The following MYBL2 variants were observed in gnomAD, a reference collection of about 807,000 sequenced individuals.
MYBL2 encodes MYB proto-oncogene like 2, also known as myb-related protein B.
A neutral mutation model predicts 79.9 loss-of-function variants in MYBL2; 28 were observed. The ratio of observed to expected loss-of-function variants is 0.35; its 90% CI spans 0.26 to 0.48. The LOEUF (loss-of-function observed/expected upper bound fraction) is 0.48. Ranked by LOEUF, MYBL2 falls within the 20% of genes least tolerant of loss-of-function variation. MYBL2 has a pLI of 0.99. For missense variants in MYBL2, 735 were observed against 893.9 expected (o/e 0.82, Z 2.27); for synonymous variants, 378 against 361.2 (o/e 1.05, Z -0.53).
chr20:43,690,055 G>A (rs1373916288), intron 5 of MYBL2, among the ~76,000 whole-genome samples: 1 of 152,148 alleles, frequency 6.6e-6, no homozygotes, highest in African/African-American at 2.4e-5. Context: ...ATAGAGCTTT[G>A]GCCTGCTATA....
rs1986731199 is a variant in MYBL2, at chr20:43,667,142, G to C, written c.-142G>C. The C allele has an allele frequency of 2.8e-6, 1 of 360,428 alleles. No homozygotes were observed. Among genetic ancestry groups the C allele is most frequent in the Admixed American group, 5.2e-5 (1 of 19,122 alleles). 22.3% of individuals were successfully genotyped at this position (360,428 alleles called of 1,614,324 possible). On this transcript the variant is annotated 5_prime_UTR_variant, in exon 1 of 14. Coordinates refer to ENST00000217026, the MANE Select transcript of MYBL2 (RefSeq NM_002466.4). ...TGCAGTTCCTGCGAGCGAGGAGCGC[G>C]GGACCTGCTGACACGCTGACGCCTT...
intron 6 of MYBL2, among the ~76,000 whole-genome samples, chr20:43,695,748 G>T (rs897407480): frequency 3.2e-4 from 20 of 62,318 alleles, no homozygotes; most frequent in Non-Finnish European, 5.9e-4. Context: ...TTGGAGCCTG[G>T]GGCAGGAAGT....
chr20:43,694,605 C>A (rs1357508539), intron 6 of MYBL2, among the ~76,000 whole-genome samples: 1 of 152,146 alleles, frequency 6.6e-6, no homozygotes, highest in East Asian at 1.9e-4. Context: ...CTTGAATTTT[C>A]AATTTTAGAG....
intron 4 of MYBL2, among the ~76,000 whole-genome samples, chr20:43,683,161 G>A (rs1359008861): frequency 6.6e-6 from 1 of 152,228 alleles, no homozygotes; most frequent in African/African-American, 2.4e-5. Flanking sequence ...AGCAGTAGCA[G>A]TGCAGCGTTG....
intron 8 of MYBL2, among the ~76,000 whole-genome samples, chr20:43,704,267 C>T (rs553670983): frequency 2.6e-5 from 4 of 152,320 alleles, no homozygotes; most frequent in Admixed American, 6.5e-5. Flanking sequence ...CCACCTGCCT[C>T]GGCCTCCCAA....
chr20:43,694,081 G>T (rs1987475575), intron 6 of MYBL2, among the ~76,000 whole-genome samples: 1 of 151,606 alleles, frequency 6.6e-6, no homozygotes, highest in South Asian at 2.1e-4. Context: ...GCCTGTAATT[G>T]CAGCATTTTG....
At chr20:43,694,889 A>G (rs987105702) in intron 6 of MYBL2, among the ~76,000 whole-genome samples, 1 of 152,208 alleles carries the variant, frequency 6.6e-6, no homozygotes, top group African/African-American at 2.4e-5. Flanking sequence ...GGACAGAGTG[A>G]ACAGATCTCT....
chr20:43,700,066 A>G (rs776232870), intron 7 of MYBL2, 22 bp downstream of exon 7: 175 of 1,607,802 alleles, frequency 1.1e-4, no homozygotes, highest in Non-Finnish European at 1.5e-4. Flanking sequence ...ACAACACTTC[A>G]CAGTGAGCAC....
At chr20:43,671,698 C>A (rs1038633525) in intron 1 of MYBL2, among the ~76,000 whole-genome samples, 2 of 151,568 alleles carry the variant, frequency 1.3e-5, no homozygotes, top group African/African-American at 4.8e-5. Context: ...TCTCGAACTC[C>A]CGACCTCAGG....
intron 13 of MYBL2, 72 bp downstream of exon 13, chr20:43,715,355 C>A: frequency 6.3e-7 from 1 of 1,596,662 alleles, no homozygotes. Flanking sequence ...TGCTGGCCAT[C>A]CCTGGGGGTC....
intron 3 of MYBL2, among the ~76,000 whole-genome samples, chr20:43,682,587 G>T (rs999888033): frequency 2.0e-5 from 3 of 152,226 alleles, no homozygotes; most frequent in African/African-American, 7.2e-5. Context: ...AGGGGACCGA[G>T]TTTGCCCTCT....
intron 4 of MYBL2, among the ~76,000 whole-genome samples, chr20:43,686,268 G>A (rs895297185): frequency 2.6e-5 from 4 of 152,122 alleles, no homozygotes; most frequent in African/African-American, 9.7e-5. Flanking sequence ...GGCTCTTGTG[G>A]CTGCGTATGT....
chr20:43,670,969 C>CT (rs1173103459), intron 1 of MYBL2, among the ~76,000 whole-genome samples: 28 of 22,226 alleles, frequency 1.3e-3, no homozygotes, highest in Admixed American at 4.4e-3. Context: ...TCTTTTTTTT[C>CT]TTTTTTTTTT....
At chr20:43,715,053 T>C in intron 12 of MYBL2, 81 bp from the exon 13 acceptor site, 1 of 1,537,428 alleles carries the variant, frequency 6.5e-7, no homozygotes, top group Non-Finnish European at 8.9e-7. Flanking sequence ...GTGGTGGTGC[T>C]GGGGTGGGAT....
intron 6 of MYBL2, among the ~76,000 whole-genome samples, chr20:43,695,718 C>T (rs1216956126): frequency 4.8e-5 from 7 of 144,728 alleles, no homozygotes; most frequent in Non-Finnish European, 9.1e-5. Context: ...CGGTGGCACA[C>T]ACCTGTAGTT....
chr20:43,703,007 A>G, intron 8 of MYBL2, 104 bp downstream of exon 8: 1 of 1,285,474 alleles, frequency 7.8e-7, no homozygotes, highest in East Asian at 2.4e-5. Context: ...GCCCTCATGC[A>G]GCTTATGCTC....
At chr20:43,709,848 C>T (rs573509631) in intron 9 of MYBL2, 115 bp from the exon 10 acceptor site, 18 of 832,464 alleles carry the variant, frequency 2.2e-5, no homozygotes, top group Non-Finnish European at 3.0e-5. Flanking sequence ...AGGGATGGGA[C>T]GAGAACCTGT....
chr20:43,700,264 G>A lies in MYBL2; in HGVS notation c.951+220G>A, dbSNP rs554466112. On this transcript the variant is annotated intron_variant, in intron 7 of 13. Coordinates refer to ENST00000217026, the MANE Select transcript of MYBL2 (RefSeq NM_002466.4). ...CCGGTGTGTGCAGCAGGAGTTTGTGGTGGCATCTGACCTCTATGTATGGCA... is the reference window on the plus strand; with the variant it reads ...CCGGTGTGTGCAGCAGGAGTTTGTGATGGCATCTGACCTCTATGTATGGCA... Among the ~76,000 whole-genome samples, 4 of 152,264 alleles carry A rather than the reference G, an allele frequency of 2.6e-5. No homozygotes were observed. In the East Asian group the frequency reaches 7.7e-4, roughly 29 times the overall value.
intron 4 of MYBL2, among the ~76,000 whole-genome samples, chr20:43,686,087 A>C (rs1307762180): frequency 1.3e-5 from 2 of 152,228 alleles, no homozygotes; most frequent in Non-Finnish European, 2.9e-5. Flanking sequence ...TCTTTAAAAA[A>C]AAAAATCAAA....
Sources: gnomAD v4.1 joint callset for allele counts (sites outside exome capture counted in the v4.1 genomes callset) on GRCh38, gnomAD v4.1.1 for gene constraint, MANE v1.5 for transcripts, NCBI Gene and HGNC (gene_info 2026-07-23, HGNC 2026-07-21) for gene names.